Variants in GRM5 observed in about 807,000 individuals in gnomAD.
The protein encoded by GRM5 is metabotropic glutamate receptor 5.
In GRM5, 19 loss-of-function variants were observed where a neutral mutation model predicts 83.1. That is an observed-to-expected ratio of 0.23 (90% confidence interval 0.16 to 0.34). The LOEUF (loss-of-function observed/expected upper bound fraction) is 0.34. GRM5 is among the 10% of genes least tolerant of loss of function. GRM5 has a pLI of 1.00. For missense variants in GRM5, 1,160 were observed against 1,588.3 expected (o/e 0.73, Z 4.58); for synonymous variants, 675 against 633.6 (o/e 1.07, Z -0.98).
At chr11:88,699,272 A>G (rs779442503) in intron 3 of GRM5, among the ~76,000 whole-genome samples, 6 of 152,190 alleles carry the variant, frequency 3.9e-5, no homozygotes, top group Non-Finnish European at 8.8e-5. Context: ...TTTTCACTAC[A>G]GCATTTTTTA....
intron 8 of GRM5, among the ~76,000 whole-genome samples, chr11:88,562,151 A>G (rs1942772248): frequency 6.6e-6 from 1 of 152,190 alleles, no homozygotes; most frequent in South Asian, 2.1e-4. Flanking sequence ...TTGCAAAATG[A>G]TAGAAAGAGT....
chr11:88,788,827 G>A (rs993580589), intron 3 of GRM5, among the ~76,000 whole-genome samples: 1 of 152,174 alleles, frequency 6.6e-6, no homozygotes, highest in African/African-American at 2.4e-5. Context: ...TTAAGTGGAA[G>A]ATGTGAGTAG....
chr11:88,522,239 T>C (rs1279218850), intron 9 of GRM5, among the ~76,000 whole-genome samples: 1 of 152,148 alleles, frequency 6.6e-6, no homozygotes, highest in African/African-American at 2.4e-5. Context: ...AAAGTACCTA[T>C]AAAAGTCTCA....
intron 2 of GRM5, among the ~76,000 whole-genome samples, chr11:88,969,538 T>C (rs1350309850): frequency 1.3e-5 from 2 of 152,050 alleles, no homozygotes; most frequent in African/African-American, 4.8e-5. Context: ...ACTAACAAAA[T>C]AGAGTATAGC....
chr11:88,614,767 T>C (rs1938423625), intron 4 of GRM5, among the ~76,000 whole-genome samples: 1 of 152,120 alleles, frequency 6.6e-6, no homozygotes, highest in Non-Finnish European at 1.5e-5. Context: ...ACTGTATATA[T>C]AAAGAAACTA....
At chr11:88,713,976 T>C (rs937074006) in intron 3 of GRM5, among the ~76,000 whole-genome samples, 2 of 152,060 alleles carry the variant, frequency 1.3e-5, no homozygotes, top group African/African-American at 2.4e-5. Flanking sequence ...CTTTGTAAAA[T>C]TTTAAGATTT....
At chr11:88,654,355 C>G (rs999833175) in intron 3 of GRM5, among the ~76,000 whole-genome samples, 1 of 151,966 alleles carries the variant, frequency 6.6e-6, no homozygotes, top group Admixed American at 6.6e-5. Flanking sequence ...TGGGTACACC[C>G]TAGGGCATCT....
At chr11:88,690,085 T>C (rs1041458745) in intron 3 of GRM5, among the ~76,000 whole-genome samples, 1 of 152,204 alleles carries the variant, frequency 6.6e-6, no homozygotes, top group Non-Finnish European at 1.5e-5. Flanking sequence ...GATAAAAATC[T>C]ATGAAAATGT....
chr11:89,045,046 G>A (rs1941613922), intron 2 of GRM5, among the ~76,000 whole-genome samples: 1 of 152,102 alleles, frequency 6.6e-6, no homozygotes, highest in South Asian at 2.1e-4. Context: ...TGGGATCAAA[G>A]CAAGATAAAT....
chr11:88,647,087 C>A (rs772456496), intron 4 of GRM5, among the ~76,000 whole-genome samples: 1 of 152,004 alleles, frequency 6.6e-6, no homozygotes, highest in Non-Finnish European at 1.5e-5. Flanking sequence ...CTGCATCAAT[C>A]CAATCACTGC....
intron 3 of GRM5, among the ~76,000 whole-genome samples, chr11:88,809,979 C>G (rs1424314182): frequency 6.6e-6 from 1 of 152,038 alleles, no homozygotes; most frequent in African/African-American, 2.4e-5. Flanking sequence ...TTTTATCTAA[C>G]TGCCCTACTC....
chr11:88,541,566 T>C (rs1942268345), intron 8 of GRM5, among the ~76,000 whole-genome samples: 1 of 152,194 alleles, frequency 6.6e-6, no homozygotes, highest in Non-Finnish European at 1.5e-5. Context: ...TTGCCTGAGA[T>C]GGGCAATATA....
intron 3 of GRM5, among the ~76,000 whole-genome samples, chr11:88,832,438 A>G (rs895448726): frequency 6.6e-6 from 1 of 152,194 alleles, no homozygotes; most frequent in African/African-American, 2.4e-5. Flanking sequence ...AAAGAAAACT[A>G]CAAAATTCTG....
chr11:88,785,088 C>T lies in GRM5; in HGVS notation c.911+64818G>A, dbSNP rs183507355. Among the ~76,000 whole-genome samples, 1,098 of 152,080 alleles carry T rather than the reference C, an allele frequency of 7.2e-3. 24 individuals carry two copies. The highest frequency in any genetic ancestry group is 5.5e-3 in the Non-Finnish European group (374 of 67,918). On this transcript the variant is annotated intron_variant, in intron 3 of 9. Coordinates refer to ENST00000305447, the MANE Select transcript of GRM5 (RefSeq NM_001143831.3). Reference sequence around the variant, plus strand: ...TTTCAATTACTAGAATTAAACAGACCTCTTAAAGTATTCCAAATGTATTCT... The same window carrying T: ...TTTCAATTACTAGAATTAAACAGACTTCTTAAAGTATTCCAAATGTATTCT...
intron 3 of GRM5, among the ~76,000 whole-genome samples, chr11:88,753,587 A>G (rs1315853535): frequency 6.6e-6 from 1 of 152,194 alleles, no homozygotes; most frequent in Non-Finnish European, 1.5e-5. Flanking sequence ...TACTCAAAGG[A>G]ATATAAACCA....
At chr11:89,048,906 A>G (rs558072235) in intron 1 of GRM5, among the ~76,000 whole-genome samples, 1 of 152,326 alleles carries the variant, frequency 6.6e-6, no homozygotes, top group Admixed American at 6.5e-5. Flanking sequence ...CACCTGAAAA[A>G]TGGGGATACT....
chr11:88,938,976 C>T (rs1399643082), intron 2 of GRM5, among the ~76,000 whole-genome samples: 2 of 151,694 alleles, frequency 1.3e-5, no homozygotes, highest in Non-Finnish European at 3.0e-5. Context: ...GTTTTCTGCA[C>T]TACTGATATT....
chr11:89,006,913 C>T (rs1466830824), intron 2 of GRM5, among the ~76,000 whole-genome samples: 5 of 152,224 alleles, frequency 3.3e-5, no homozygotes, highest in Middle Eastern at 6.8e-3. Context: ...TTCTCCTGCC[C>T]AAGCCTCCTG....
At chr11:89,028,111 G>C (rs1371902332) in intron 2 of GRM5, among the ~76,000 whole-genome samples, 1 of 152,124 alleles carries the variant, frequency 6.6e-6, no homozygotes, top group African/African-American at 2.4e-5. Context: ...CCAGCCAACA[G>C]AATTGTGAGC....
Sources: allele counts gnomAD v4.1 joint callset (sites outside exome capture counted in the v4.1 genomes callset), GRCh38; gene constraint gnomAD v4.1.1; transcripts MANE v1.5; gene names NCBI Gene and HGNC (gene_info 2026-07-23, HGNC 2026-07-21).